The following SDK1 variants were observed in gnomAD, a reference collection of about 807,000 sequenced individuals.
SDK1 encodes sidekick cell adhesion molecule 1.
A neutral mutation model predicts 245.5 loss-of-function variants in SDK1; 157 were observed. The observed-to-expected ratio is 0.64, with a 90% CI of 0.56 to 0.73. The LOEUF is 0.73. Ranked by LOEUF, SDK1 falls within the 30% of genes least tolerant of loss-of-function variation. SDK1 has a pLI of 0.00. For missense variants in SDK1, 3,583 were observed against 3,002.3 expected (o/e 1.19, Z -4.52); for synonymous variants, 1,647 against 1,278.5 (o/e 1.29, Z -6.15).
chr7:3,605,924 A>C, intron 1 of SDK1, among the ~76,000 whole-genome samples: 1 of 152,186 alleles, frequency 6.6e-6, no homozygotes, highest in South Asian at 2.1e-4. Context: ...TTTTAAGATA[A>C]AATTTATGAT....
intron 14 of SDK1, among the ~76,000 whole-genome samples, chr7:3,988,130 A>ATGTTTTTT (rs1784017530): frequency 8.8e-6 from 1 of 113,840 alleles, no homozygotes; most frequent in Admixed American, 9.2e-5. Context: ...CATCTTTTTA[A>ATGTTTTTT]TGTTTTTTTT....
Position 4,267,144 on chromosome 7 carries a change from T to TA in SDK1, c.*1761dup. 1.0e-6 allele frequency: 1 copy of TA among 985,368 alleles called. No homozygotes were observed. The highest frequency in any genetic ancestry group is 4.7e-5 in the South Asian group (1 of 21,288). The allele number at this position is 985,368 out of a possible 1,614,324, so 61.0% of individuals were successfully genotyped here. ...AACCCCTTTTCAGTCTTTCCAAAAT[T>TA]AGAGGGTATGGCAAGTTTCCTTTTT... On this transcript the variant is annotated 3_prime_UTR_variant, in exon 45 of 45. Coordinates refer to ENST00000404826, the MANE Select transcript of SDK1 (RefSeq NM_152744.4).
At chr7:3,320,651 T>C (rs73672083) in intron 1 of SDK1, among the ~76,000 whole-genome samples, 2 of 152,188 alleles carry the variant, frequency 1.3e-5, no homozygotes, top group Non-Finnish European at 2.9e-5. Context: ...TTTAAGCAGT[T>C]GCCCTGTTTT....
chr7:3,503,555 T>C (rs548635857), intron 1 of SDK1, among the ~76,000 whole-genome samples: 6 of 152,238 alleles, frequency 3.9e-5, no homozygotes, highest in Admixed American at 6.5e-5. Flanking sequence ...GTGTTACTTA[T>C]AGTCCTAGCT....
intron 7 of SDK1, chr7:3,958,007 G>T: frequency 2.1e-6 from 1 of 470,634 alleles, no homozygotes; most frequent in South Asian, 1.5e-5. Flanking sequence ...TCTTTGAAAT[G>T]CTTAGTTTTC....
chr7:3,547,014 T>A (rs1366479288), intron 1 of SDK1, among the ~76,000 whole-genome samples: 2 of 152,162 alleles, frequency 1.3e-5, no homozygotes, highest in East Asian at 3.8e-4. Context: ...CTCAAGGAAT[T>A]TTTAATCTTA....
Position 3,334,318 on chromosome 7 carries a change from T to G in SDK1, c.298+32434T>G, listed in dbSNP as rs116461512. 3.5e-3 allele frequency among the ~76,000 whole-genome samples: 536 copies of G among 152,356 alleles called. 2 individuals are homozygous for G. Among genetic ancestry groups the G allele is most frequent in the African/African-American group, 0.013 (520 of 41,576 alleles). ...TGTTTGCTGATGAAAGCAGCAGTTC[T>G]CATTCTACGCTGGCCTCTTTCATTC... is the stretch of plus-strand genomic sequence containing the variant. On this transcript the variant is annotated intron_variant, in intron 1 of 44. Coordinates refer to ENST00000404826, the MANE Select transcript of SDK1 (RefSeq NM_152744.4).
At chr7:3,497,179 T>C (rs1160918919) in intron 1 of SDK1, among the ~76,000 whole-genome samples, 1 of 152,220 alleles carries the variant, frequency 6.6e-6, no homozygotes, top group Non-Finnish European at 1.5e-5. Flanking sequence ...GTTAGAAGAA[T>C]GCTCCAACAA....
chr7:3,523,730 C>A (rs62440166), intron 1 of SDK1, among the ~76,000 whole-genome samples: 2,896 of 152,218 alleles, frequency 0.019, 35 homozygotes, highest in Non-Finnish European at 0.027. Flanking sequence ...TGTCAGAAAT[C>A]AGAATTAATC....
intron 4 of SDK1, among the ~76,000 whole-genome samples, chr7:3,670,624 T>C (rs1783669699): frequency 6.6e-6 from 1 of 152,128 alleles, no homozygotes; most frequent in African/African-American, 2.4e-5. Context: ...CCAGTAAATG[T>C]TAGATTATTT....
intron 4 of SDK1, among the ~76,000 whole-genome samples, chr7:3,677,888 G>T (rs1318604842): frequency 6.6e-6 from 1 of 152,156 alleles, no homozygotes; most frequent in African/African-American, 2.4e-5. Flanking sequence ...AAACTCCATA[G>T]AATCTGATCA....
intron 35 of SDK1, among the ~76,000 whole-genome samples, chr7:4,197,603 C>T (rs930820395): frequency 6.6e-6 from 1 of 152,254 alleles, no homozygotes; most frequent in South Asian, 2.1e-4. Flanking sequence ...AAAACCCCAT[C>T]CGCAGCTTCT....
chr7:3,723,362 A>G (rs1051242206), intron 4 of SDK1, among the ~76,000 whole-genome samples: 1 of 152,202 alleles, frequency 6.6e-6, no homozygotes, highest in Non-Finnish European at 1.5e-5. Flanking sequence ...AAGCCTTTGA[A>G]AAATACGGTA....
At chr7:3,323,740 C>T (rs971684883) in intron 1 of SDK1, among the ~76,000 whole-genome samples, 3 of 152,186 alleles carry the variant, frequency 2.0e-5, no homozygotes, top group Admixed American at 6.5e-5. Flanking sequence ...ATTTCCCTGC[C>T]TTCAGGTTAA....
chr7:3,851,844 G>A, intron 5 of SDK1, among the ~76,000 whole-genome samples: 1 of 152,120 alleles, frequency 6.6e-6, no homozygotes, highest in East Asian at 1.9e-4. Context: ...GATTTAAAGT[G>A]TTATTATTAA....
intron 5 of SDK1, among the ~76,000 whole-genome samples, chr7:3,907,066 G>C (rs533328464): frequency 9.5e-4 from 145 of 152,280 alleles, no homozygotes; most frequent in Non-Finnish European, 1.8e-3. Flanking sequence ...GTCTGAGCCA[G>C]TGTATTCTAA....
At chr7:3,480,670 C>G (rs1412614856) in intron 1 of SDK1, among the ~76,000 whole-genome samples, 1 of 152,216 alleles carries the variant, frequency 6.6e-6, no homozygotes, top group Non-Finnish European at 1.5e-5. Context: ...ATGGGTCTGC[C>G]ATAGCGTGCA....
chr7:3,935,813 C>T (rs924884282), intron 5 of SDK1, among the ~76,000 whole-genome samples: 1 of 152,198 alleles, frequency 6.6e-6, no homozygotes, highest in Non-Finnish European at 1.5e-5. Flanking sequence ...GACGAAGTAG[C>T]CTTTGGAAAA....
intron 1 of SDK1, among the ~76,000 whole-genome samples, chr7:3,589,256 G>A (rs1780785213): frequency 6.6e-6 from 1 of 151,994 alleles, no homozygotes; most frequent in African/African-American, 2.4e-5. Flanking sequence ...CTCACAGGTG[G>A]TGTTGGCCTT....
Sources: allele counts gnomAD v4.1 joint callset (sites outside exome capture counted in the v4.1 genomes callset), GRCh38; gene constraint gnomAD v4.1.1; transcripts MANE v1.5; gene names NCBI Gene and HGNC (gene_info 2026-07-23, HGNC 2026-07-21).